FCHO2: variants seen among roughly 807,000 people sequenced by gnomAD.
The protein encoded by FCHO2 is FCH and mu domain containing endocytic adaptor 2, also known as F-BAR domain only protein 2.
A neutral mutation model predicts 114.1 loss-of-function variants in FCHO2; 43 were observed. The ratio of observed to expected loss-of-function variants is 0.38; its 90% CI spans 0.30 to 0.49. The LOEUF (loss-of-function observed/expected upper bound fraction) is 0.49, where lower values mean the gene tolerates loss of function less well. Among genes scored for constraint, FCHO2 ranks in the 20% least tolerant of loss-of-function variants. FCHO2 has a pLI of 0.97. For missense variants in FCHO2, 807 were observed against 950.4 expected (o/e 0.85, Z 1.98); for synonymous variants, 293 against 315.2 (o/e 0.93, Z 0.75).
intron 20 of FCHO2, among the ~76,000 whole-genome samples, chr5:73,075,180 A>T (rs1466487042): frequency 6.6e-6 from 1 of 152,174 alleles, no homozygotes; most frequent in African/African-American, 2.4e-5. Flanking sequence ...AGCTGTATGT[A>T]TTGGATATTG....
At chr5:72,978,886 A>G (rs1261629386) in intron 2 of FCHO2, among the ~76,000 whole-genome samples, 2 of 151,992 alleles carry the variant, frequency 1.3e-5, no homozygotes, top group Non-Finnish European at 2.9e-5. Flanking sequence ...TTTGTCATTG[A>G]TTCTGTTTAT....
At chr5:73,028,239 T>G (rs1756045770) in intron 8 of FCHO2, among the ~76,000 whole-genome samples, 1 of 152,066 alleles carries the variant, frequency 6.6e-6, no homozygotes, top group Non-Finnish European at 1.5e-5. Flanking sequence ...GCTATCAAGG[T>G]TGTGGAAGAA....
intron 24 of FCHO2, among the ~76,000 whole-genome samples, chr5:73,083,144 A>G (rs1362689142): frequency 6.6e-6 from 1 of 151,912 alleles, no homozygotes; most frequent in Non-Finnish European, 1.5e-5. Flanking sequence ...TCGGCCTCCC[A>G]AAGTGCTGGG....
chr5:73,054,108 T>C (rs1440413735), intron 13 of FCHO2, 52 bp from the exon 14 acceptor site: 24 of 1,328,408 alleles, frequency 1.8e-5, no homozygotes, highest in Non-Finnish European at 2.4e-5. Context: ...AGCACAAAAA[T>C]ACAGTATTCA....
intron 5 of FCHO2, among the ~76,000 whole-genome samples, chr5:72,994,466 T>A (rs1281298472): frequency 6.6e-6 from 1 of 152,128 alleles, no homozygotes; most frequent in African/African-American, 2.4e-5. Context: ...TGACTATTAT[T>A]AAAAAGTCAA....
intron 15 of FCHO2, chr5:73,055,043 CA>C: frequency 2.8e-6 from 1 of 362,552 alleles, no homozygotes; most frequent in Non-Finnish European, 5.7e-6. Flanking sequence ...GCAGCCCACT[CA>C]AAAGCTATGT....
At chr5:73,023,086 G>T (rs1755716164) in intron 8 of FCHO2, among the ~76,000 whole-genome samples, 2 of 152,132 alleles carry the variant, frequency 1.3e-5, no homozygotes, top group Non-Finnish European at 2.9e-5. Context: ...CACATGCCCA[G>T]ATCATGGAGG....
chr5:73,078,279 T>G lies in FCHO2; in HGVS notation c.1947T>G (p.Ala649=). The change falls in exon 22 of 26, where the codon GCT becomes GCG. Residue 649 remains alanine, a synonymous_variant. Transcript: ENST00000430046. Reference sequence around the variant, plus strand: ...AGCTGTCAGAGCAAAATCCAGCTGCTTCTTATTATAATGTAGATGTATTAA... The same window carrying G: ...AGCTGTCAGAGCAAAATCCAGCTGCGTCTTATTATAATGTAGATGTATTAA... ...LKKLSEQNPA[A]SYYNVDVLKY... 6.2e-7 allele frequency: 1 copy of G among 1,602,436 alleles called. No homozygotes were observed. The highest frequency in any genetic ancestry group is 8.5e-7 in the Non-Finnish European group (1 of 1,174,508).
intron 18 of FCHO2, among the ~76,000 whole-genome samples, chr5:73,066,670 CCT>C (rs1259106088): frequency 6.7e-6 from 1 of 149,002 alleles, no homozygotes; most frequent in Admixed American, 6.8e-5. Flanking sequence ...ATAACCACAT[CCT>C]CCCTACCCAC....
At chr5:72,970,672 TTTTC>T (rs995046048) in intron 2 of FCHO2, among the ~76,000 whole-genome samples, 8 of 151,864 alleles carry the variant, frequency 5.3e-5, no homozygotes, top group Non-Finnish European at 1.0e-4. Flanking sequence ...TTCTTTTTAT[TTTTC>T]TTTCTTTTTC....
At chr5:73,014,957 T>G (rs2112739267) in intron 6 of FCHO2, among the ~76,000 whole-genome samples, 1 of 151,076 alleles carries the variant, frequency 6.6e-6, no homozygotes, top group East Asian at 2.0e-4. Context: ...GCACCTGTAG[T>G]CCAAGCTACT....
intron 2 of FCHO2, among the ~76,000 whole-genome samples, chr5:72,987,424 G>A (rs1275240070): frequency 6.6e-6 from 1 of 151,940 alleles, no homozygotes; most frequent in Admixed American, 6.6e-5. Flanking sequence ...TGCAGCCTCC[G>A]CCTCCCGGAT....
intron 10 of FCHO2, chr5:73,038,189 A>G (rs2112803007): frequency 6.5e-6 from 1 of 152,790 alleles, no homozygotes; most frequent in South Asian, 2.0e-4. Context: ...GCTACACATT[A>G]GAACTACCTG....
At chr5:72,983,321 A>G (rs1018263055) in intron 2 of FCHO2, among the ~76,000 whole-genome samples, 8 of 152,106 alleles carry the variant, frequency 5.3e-5, no homozygotes, top group Non-Finnish European at 8.8e-5. Context: ...CCTGTCATCT[A>G]CATATCTACA....
chr5:73,003,346 T>C (rs566584102), intron 5 of FCHO2, among the ~76,000 whole-genome samples: 1 of 152,106 alleles, frequency 6.6e-6, no homozygotes, highest in Non-Finnish European at 1.5e-5. Context: ...ATTTTATTTT[T>C]TTAAAATTTT....
At chr5:72,966,790 C>A (rs573229657) in intron 1 of FCHO2, among the ~76,000 whole-genome samples, 29 of 152,264 alleles carry the variant, frequency 1.9e-4, no homozygotes, top group African/African-American at 6.0e-4. Flanking sequence ...AAATATATTC[C>A]ATTTTTCCAT....
At chr5:73,020,976 A>T (rs779162983) in intron 8 of FCHO2, 9 of 1,596,726 alleles carry the variant, frequency 5.6e-6, no homozygotes, top group Non-Finnish European at 7.7e-6. Context: ...GTTCGGGTCC[A>T]TTCACATCTT....
At chr5:72,997,771 G>T in intron 5 of FCHO2, 1 of 1,323,578 alleles carries the variant, frequency 7.6e-7, no homozygotes, top group South Asian at 1.5e-5. Context: ...ACCCCTCTCT[G>T]CCCTGGAAGC....
chr5:72,983,839 G>C (rs1753363869), intron 2 of FCHO2, among the ~76,000 whole-genome samples: 1 of 151,478 alleles, frequency 6.6e-6, no homozygotes, highest in Non-Finnish European at 1.5e-5. Flanking sequence ...GCCTTGAATA[G>C]TTTTGCACAT....
Sources: allele counts gnomAD v4.1 joint callset (sites outside exome capture counted in the v4.1 genomes callset), GRCh38; gene constraint gnomAD v4.1.1; transcripts MANE v1.5; gene names NCBI Gene and HGNC (gene_info 2026-07-23, HGNC 2026-07-21).